SIPA1L1: variants seen among roughly 807,000 people sequenced by gnomAD.
SIPA1L1 encodes signal induced proliferation associated 1 like 1.
In SIPA1L1, 26 loss-of-function variants were observed where a neutral mutation model predicts 162.7. The observed-to-expected ratio is 0.16, with a 90% CI of 0.12 to 0.22. The LOEUF (loss-of-function observed/expected upper bound fraction) is 0.22. Ranked by LOEUF, SIPA1L1 falls within the 10% of genes least tolerant of loss-of-function variation. The pLI, the probability that SIPA1L1 is intolerant of heterozygous loss-of-function variation, is 1.00. For missense variants in SIPA1L1, 1,874 were observed against 2,241.0 expected, an observed-to-expected ratio of 0.84 and a Z score of 3.31; for synonymous variants, 829 against 837.4, an observed-to-expected ratio of 0.99 and a Z score of 0.17.
chr14:71,553,210 A>T (rs2056037454), intron 4 of SIPA1L1, among the ~76,000 whole-genome samples: 1 of 152,232 alleles, frequency 6.6e-6, no homozygotes, highest in Non-Finnish European at 1.5e-5. Flanking sequence ...GCAGATTTTT[A>T]AAAGCTATTA....
chr14:71,731,413 A>G (rs1202438681), intron 20 of SIPA1L1, among the ~76,000 whole-genome samples: 1 of 152,190 alleles, frequency 6.6e-6, no homozygotes, highest in Non-Finnish European at 1.5e-5. Context: ...CCTCCGATGA[A>G]CCAAGGTTGG....
chr14:71,724,881 A>C, intron 19 of SIPA1L1, 46 bp downstream of exon 19: 1 of 1,541,372 alleles, frequency 6.5e-7, no homozygotes, highest in Non-Finnish European at 8.9e-7. Context: ...AACAAGCCAG[A>C]CATGATGGGG....
At chr14:71,481,213 T>G (rs2048327855) in intron 2 of SIPA1L1, among the ~76,000 whole-genome samples, 1 of 152,220 alleles carries the variant, frequency 6.6e-6, no homozygotes, top group Admixed American at 6.5e-5. Flanking sequence ...GAGTGGTGGC[T>G]CACGCCTGTA....
chr14:71,697,749 C>T (rs2081759191), intron 13 of SIPA1L1, among the ~76,000 whole-genome samples: 1 of 152,210 alleles, frequency 6.6e-6, no homozygotes, highest in South Asian at 2.1e-4. Context: ...AGCTTCTCAG[C>T]TTCCTATACC....
intron 20 of SIPA1L1, 74 bp downstream of exon 20, chr14:71,730,375 C>CA: frequency 6.5e-7 from 1 of 1,548,724 alleles, no homozygotes; most frequent in Non-Finnish European, 8.8e-7. Flanking sequence ...GGCTGCCACT[C>CA]ATGTGCTCAG....
At chr14:71,589,765 A>G (rs996317332) in intron 5 of SIPA1L1, among the ~76,000 whole-genome samples, 5 of 152,064 alleles carry the variant, frequency 3.3e-5, no homozygotes, top group Non-Finnish European at 5.9e-5. Context: ...ATTTTTTATC[A>G]CTTCCACAGT....
intron 13 of SIPA1L1, among the ~76,000 whole-genome samples, chr14:71,688,217 A>G (rs1264878750): frequency 6.6e-6 from 1 of 152,218 alleles, no homozygotes; most frequent in East Asian, 1.9e-4. Context: ...GAAATCTGTA[A>G]TACTACAAAA....
intron 2 of SIPA1L1, among the ~76,000 whole-genome samples, chr14:71,401,466 C>T (rs1161602409): frequency 1.4e-5 from 2 of 146,440 alleles, no homozygotes; most frequent in Non-Finnish European, 1.5e-5. Flanking sequence ...CTTTGTTGTT[C>T]GTCTGTTTGT....
At chr14:71,347,685 C>T (rs541665416) in intron 2 of SIPA1L1, among the ~76,000 whole-genome samples, 136 of 152,194 alleles carry the variant, frequency 8.9e-4, no homozygotes, top group Non-Finnish European at 1.6e-3. Flanking sequence ...TACTGTATGG[C>T]TTTTCTTTTT....
At chr14:71,514,643 T>G (rs183998195) in intron 3 of SIPA1L1, among the ~76,000 whole-genome samples, 8 of 152,236 alleles carry the variant, frequency 5.3e-5, no homozygotes, top group Non-Finnish European at 1.0e-4. Context: ...CCTGCCCTAT[T>G]TGTGTCTGAC....
At chr14:71,551,610 C>G (rs890602848) in intron 4 of SIPA1L1, among the ~76,000 whole-genome samples, 1 of 152,220 alleles carries the variant, frequency 6.6e-6, no homozygotes, top group African/African-American at 2.4e-5. Context: ...CTGGTTTGAT[C>G]TTGAGCTGCG....
intron 7 of SIPA1L1, among the ~76,000 whole-genome samples, chr14:71,628,660 T>A (rs777788166): frequency 2.0e-5 from 3 of 152,176 alleles, no homozygotes; most frequent in Non-Finnish European, 4.4e-5. Context: ...CTGTAATGGA[T>A]GTCAGGGTTA....
At chr14:71,626,866 A>G (rs971223518) in intron 7 of SIPA1L1, among the ~76,000 whole-genome samples, 2 of 152,102 alleles carry the variant, frequency 1.3e-5, no homozygotes, top group African/African-American at 4.8e-5. Context: ...TTGCCTTTCA[A>G]ATCTTTGGTG....
intron 22 of SIPA1L1, among the ~76,000 whole-genome samples, chr14:71,737,851 ACTCCT>A (rs2085441093): frequency 1.3e-5 from 2 of 151,698 alleles, no homozygotes; most frequent in South Asian, 4.2e-4. Context: ...CAGGGGAGTA[ACTCCT>A]CTGTCAAAGC....
chr14:71,323,996 G>A (rs2033481115), intron 2 of SIPA1L1, among the ~76,000 whole-genome samples: 1 of 152,078 alleles, frequency 6.6e-6, no homozygotes. Context: ...TCCTCAGAAG[G>A]TCTGGGTTTC....
At chr14:71,460,276 G>A (rs979106329) in intron 2 of SIPA1L1, among the ~76,000 whole-genome samples, 3 of 152,144 alleles carry the variant, frequency 2.0e-5, no homozygotes, top group African/African-American at 4.8e-5. Flanking sequence ...ATGTCAGCGG[G>A]TCGTGGTTTT....
intron 4 of SIPA1L1, among the ~76,000 whole-genome samples, chr14:71,551,213 G>C (rs1375808577): frequency 6.6e-6 from 1 of 152,190 alleles, no homozygotes; most frequent in South Asian, 2.1e-4. Flanking sequence ...ATTGGAAGCT[G>C]TAGTGAGCTG....
chr14:71,419,045 C>G (rs1001286392), intron 2 of SIPA1L1, among the ~76,000 whole-genome samples: 1 of 152,122 alleles, frequency 6.6e-6, no homozygotes, highest in African/African-American at 2.4e-5. Flanking sequence ...GCAGCCCTTC[C>G]GCCTGATATC....
In SIPA1L1 at chr14:71,709,583, A is replaced by T; in HGVS notation, c.4127A>T (p.His1376Leu). ...GAGTCTTCCCTGAGCTTAGACATACACAGCAAGAGCCAAGCCGGCTCGACC... is the reference window on the plus strand; with the variant it reads ...GAGTCTTCCCTGAGCTTAGACATACTCAGCAAGAGCCAAGCCGGCTCGACC... ...KTESSLSLDI[H>L]SKSQAGSTPL... Residue 1376 changes from histidine to leucine, a missense_variant, in exon 17 of 24, where the codon CAC (histidine) becomes CTC (leucine). His to Leu is a moderately conservative substitution (Grantham distance 99). Coordinates refer to ENST00000381232, the MANE Select transcript of SIPA1L1 (RefSeq NM_001386936.1). The T allele has an allele frequency of 6.2e-7, 1 of 1,614,172 alleles. No individual in the cohort carries two copies. Among genetic ancestry groups the T allele is most frequent in the South Asian group, 1.1e-5 (1 of 91,078 alleles).
Sources: gnomAD v4.1 joint callset for allele counts (sites outside exome capture counted in the v4.1 genomes callset) on GRCh38, gnomAD v4.1.1 for gene constraint, MANE v1.5 for transcripts, NCBI Gene and HGNC (gene_info 2026-07-23, HGNC 2026-07-21) for gene names.